MPPED1: variants seen among roughly 807,000 people sequenced by gnomAD.
MPPED1 encodes metallophosphoesterase domain-containing protein 1.
Under a neutral mutation model 36.2 loss-of-function variants are expected in MPPED1, and 16 were observed. The ratio of observed to expected loss-of-function variants is 0.44; its 90% confidence interval spans 0.30 to 0.67. MPPED1 has a LOEUF of 0.67. MPPED1 is among the 30% of genes least tolerant of loss of function. The pLI is 0.10. For missense variants in MPPED1, 307 were observed against 453.4 expected (o/e 0.68, Z 2.93); for synonymous variants, 199 against 191.3 (o/e 1.04, Z -0.33).
At chr22:43,445,053 A>C (rs1930289989) in intron 3 of MPPED1, among the ~76,000 whole-genome samples, 1 of 152,164 alleles carries the variant, frequency 6.6e-6, no homozygotes, top group Non-Finnish European at 1.5e-5. Context: ...TGGGGGCCAA[A>C]GTGAAGAAGG....
At chr22:43,426,729 C>T (rs1029556689) in intron 2 of MPPED1, among the ~76,000 whole-genome samples, 7 of 152,182 alleles carry the variant, frequency 4.6e-5, no homozygotes, top group Admixed American at 3.3e-4. Flanking sequence ...AGGCGGGGAT[C>T]GCCCTCTTCC....
chr22:43,488,247 G>C (rs921205253), intron 4 of MPPED1, among the ~76,000 whole-genome samples: 1 of 151,550 alleles, frequency 6.6e-6, no homozygotes, highest in Non-Finnish European at 1.5e-5. Context: ...CACTTCCCAG[G>C]GCCCCCCAAG....
chr22:43,441,499 C>T (rs1457397528), intron 3 of MPPED1, among the ~76,000 whole-genome samples: 1 of 152,112 alleles, frequency 6.6e-6, no homozygotes, highest in Non-Finnish European at 1.5e-5. Flanking sequence ...AGCCTGGTGC[C>T]GAGGTGCCCA....
chr22:43,495,763 G>A (rs1379757336), intron 4 of MPPED1, among the ~76,000 whole-genome samples: 1 of 41,064 alleles, frequency 2.4e-5, no homozygotes, highest in Non-Finnish European at 3.8e-5. Context: ...AGATGGTGGT[G>A]GTGGTGGTGG....
chr22:43,475,928 T>C (rs1239997001), intron 4 of MPPED1, among the ~76,000 whole-genome samples: 3 of 105,430 alleles, frequency 2.8e-5, no homozygotes, highest in Non-Finnish European at 2.1e-5. Flanking sequence ...AAGATGGTGA[T>C]GGTGGTATGG....
intron 3 of MPPED1, among the ~76,000 whole-genome samples, chr22:43,466,913 G>A (rs1363659241): frequency 6.6e-6 from 1 of 152,222 alleles, no homozygotes; most frequent in African/African-American, 2.4e-5. Context: ...CAGGCATGGT[G>A]GAGCGTGGCT....
chr22:43,449,184 C>CT (rs1442550099), intron 3 of MPPED1, among the ~76,000 whole-genome samples: 2 of 152,172 alleles, frequency 1.3e-5, no homozygotes, highest in Admixed American at 1.3e-4. Flanking sequence ...CACACGGGGG[C>CT]TTAACAGCAA....
rs183962530 is a variant in MPPED1 at position 43,432,103 on chromosome 22, G to A, written c.225-2931G>A. Reference sequence around the variant, plus strand: ...AGACTGTCGGGTCCCTAGCAGCTCGGGGGTGGCATTGTGCTCCCTGTCTCT... The same window carrying A: ...AGACTGTCGGGTCCCTAGCAGCTCGAGGGTGGCATTGTGCTCCCTGTCTCT... On this transcript the variant is annotated intron_variant, in intron 2 of 6. Coordinates refer to ENST00000443721, the MANE Select transcript of MPPED1 (RefSeq NM_001044370.2). Among the ~76,000 whole-genome samples the A allele has an allele frequency of 1.6e-4, 25 of 152,206 alleles. No homozygotes were observed. In the East Asian group the frequency reaches 4.6e-3, roughly 28 times the overall value.
At chr22:43,485,025 TCACA>T (rs987964151) in intron 4 of MPPED1, among the ~76,000 whole-genome samples, 1 of 151,812 alleles carries the variant, frequency 6.6e-6, no homozygotes, top group Non-Finnish European at 1.5e-5. Context: ...AGACACACAC[TCACA>T]CACACACATA....
At chr22:43,421,445 C>T (rs916516896) in intron 1 of MPPED1, among the ~76,000 whole-genome samples, 1 of 152,228 alleles carries the variant, frequency 6.6e-6, no homozygotes, top group Non-Finnish European at 1.5e-5. Context: ...GAGCGGTTCT[C>T]CCTCGACTGC....
chr22:43,433,068 G>A (rs1396660063), intron 2 of MPPED1, among the ~76,000 whole-genome samples: 3 of 152,090 alleles, frequency 2.0e-5, no homozygotes, highest in African/African-American at 7.2e-5. Context: ...CTGTGTGTGG[G>A]GGGGCGGCAG....
chr22:43,495,567 AGGT>A (rs1932274012), intron 4 of MPPED1, among the ~76,000 whole-genome samples: 2 of 26,646 alleles, frequency 7.5e-5, no homozygotes, highest in East Asian at 1.2e-3. Flanking sequence ...GTGGTGGTGG[AGGT>A]GATGGTGGAG....
chr22:43,430,868 G>GC (rs1929653638), intron 2 of MPPED1, among the ~76,000 whole-genome samples: 1 of 151,920 alleles, frequency 6.6e-6, no homozygotes, highest in Admixed American at 6.6e-5. Context: ...CATTGTCATT[G>GC]CAAGTATCAG....
intron 3 of MPPED1, among the ~76,000 whole-genome samples, chr22:43,458,418 T>G (rs537493986): frequency 4.6e-5 from 7 of 152,150 alleles, no homozygotes; most frequent in Non-Finnish European, 1.0e-4. Context: ...CCCAAGTAGC[T>G]GGGATTACAG....
intron 2 of MPPED1, among the ~76,000 whole-genome samples, chr22:43,432,509 A>AGAGAG (rs1929746951): frequency 2.0e-5 from 1 of 50,684 alleles, no homozygotes; most frequent in Non-Finnish European, 4.0e-5. Context: ...GAGAGAGGGA[A>AGAGAG]AGAGAAAGGG....
At chr22:43,500,064 A>ATGGTGATGGAGGTGGTGG (rs1434550384) in intron 5 of MPPED1, among the ~76,000 whole-genome samples, 1 of 39,872 alleles carries the variant, frequency 2.5e-5, no homozygotes, top group African/African-American at 1.3e-4. Flanking sequence ...GGTGGTGGTG[A>ATGGTGATGGAGGTGGTGG]TGGTGATGGA....
chr22:43,423,204 C>CT (rs1265414567), intron 1 of MPPED1, among the ~76,000 whole-genome samples: 1 of 152,248 alleles, frequency 6.6e-6, no homozygotes, highest in Admixed American at 6.5e-5. Context: ...TAAGGTCACA[C>CT]AGCAAGTCAG....
At chr22:43,443,921 G>T (rs559125377) in intron 3 of MPPED1, among the ~76,000 whole-genome samples, 28 of 152,288 alleles carry the variant, frequency 1.8e-4, no homozygotes, top group African/African-American at 6.7e-4. Context: ...GGTTGCGTAC[G>T]CACATGGCCA....
chr22:43,453,492 T>TA (rs150229634), intron 3 of MPPED1, among the ~76,000 whole-genome samples: 2,074 of 152,292 alleles, frequency 0.014, 20 homozygotes, highest in Non-Finnish European at 0.021. Context: ...GAACCAGGTA[T>TA]AGCCTTCCAG....
Sources: allele counts gnomAD v4.1 joint callset (sites outside exome capture counted in the v4.1 genomes callset), GRCh38; gene constraint gnomAD v4.1.1; transcripts MANE v1.5; gene names NCBI Gene and HGNC (gene_info 2026-07-23, HGNC 2026-07-21).